KLF12: variants seen among roughly 807,000 people sequenced by gnomAD.
KLF12 encodes the protein Krueppel-like factor 12.
KLF12 carries 9 observed loss-of-function variants against 37.8 expected under a neutral mutation model. The ratio of observed to expected loss-of-function variants is 0.24; its 90% CI spans 0.14 to 0.42. KLF12 has a LOEUF of 0.42. Among genes scored for constraint, KLF12 ranks in the 10% least tolerant of loss-of-function variants. The pLI is 1.00. For synonymous variants in KLF12, 208 were observed against 202.1 expected (o/e 1.03, Z -0.25); for missense variants, 411 against 516.0 (o/e 0.80, Z 1.97).
At chr13:73,882,598 C>T (rs1887031258) in intron 3 of KLF12, among the ~76,000 whole-genome samples, 1 of 152,130 alleles carries the variant, frequency 6.6e-6, no homozygotes, top group Non-Finnish European at 1.5e-5. Flanking sequence ...TTTTTATAGA[C>T]TTTGGATTTT....
intron 1 of KLF12, among the ~76,000 whole-genome samples, chr13:74,124,231 C>T (rs1176830782): frequency 6.6e-6 from 1 of 152,142 alleles, no homozygotes; most frequent in African/African-American, 2.4e-5. Context: ...TACTTGTATT[C>T]ATATCTAAAG....
intron 6 of KLF12, among the ~76,000 whole-genome samples, chr13:73,716,406 T>A (rs904850974): frequency 6.6e-6 from 1 of 152,244 alleles, no homozygotes; most frequent in African/African-American, 2.4e-5. Flanking sequence ...ATTTCTACTC[T>A]ACAAAATGTA....
At chr13:73,777,060 A>T (rs1880651694) in intron 5 of KLF12, among the ~76,000 whole-genome samples, 1 of 152,230 alleles carries the variant, frequency 6.6e-6, no homozygotes. Context: ...GGCAGCAGAC[A>T]ACTAAACAGT....
At chr13:74,241,978 C>A in the KLF12 span, among the ~76,000 whole-genome samples, 1 of 152,204 alleles carries the variant, frequency 6.6e-6, no homozygotes, top group Admixed American at 6.5e-5. Flanking sequence ...CCCCAGGTAC[C>A]GAATTTTTAA....
intron 7 of KLF12, among the ~76,000 whole-genome samples, chr13:73,704,141 A>AT (rs1299777188): frequency 6.6e-6 from 1 of 151,950 alleles, no homozygotes; most frequent in Non-Finnish European, 1.5e-5. Context: ...GTTTCCAAAG[A>AT]TTTTGACTTA....
At chr13:73,765,128 C>A (rs1879826438) in intron 5 of KLF12, 128 bp from the exon 6 acceptor site, 1 of 589,410 alleles carries the variant, frequency 1.7e-6, no homozygotes, top group Non-Finnish European at 3.0e-6. Flanking sequence ...GAACTTGAAC[C>A]CCTCTTAGTA....
intron 2 of KLF12, among the ~76,000 whole-genome samples, chr13:73,958,944 C>T (rs1566482605): frequency 6.6e-6 from 1 of 150,960 alleles, no homozygotes; most frequent in Admixed American, 6.6e-5. Flanking sequence ...GCTAGGCAGA[C>T]TTCAGCAACT....
the KLF12 span, among the ~76,000 whole-genome samples, chr13:74,278,012 G>A: frequency 3.3e-4 from 50 of 152,298 alleles, 1 homozygote; most frequent in Admixed American, 3.1e-3. Context: ...GGGGCAAGCT[G>A]TATCTTACAT....
At chr13:73,930,328 G>A (rs1889607449) in intron 3 of KLF12, among the ~76,000 whole-genome samples, 1 of 152,114 alleles carries the variant, frequency 6.6e-6, no homozygotes. Context: ...CACATCATAT[G>A]TCATACATTA....
chr13:73,702,191 C>T (rs1874608750), intron 7 of KLF12, among the ~76,000 whole-genome samples: 1 of 152,076 alleles, frequency 6.6e-6, no homozygotes, highest in Non-Finnish European at 1.5e-5. Context: ...AAACTCACAT[C>T]AGGGTTTTGT....
At chr13:73,722,130 A>T (rs7993269) in intron 6 of KLF12, among the ~76,000 whole-genome samples, 96,709 of 151,934 alleles carry the variant, frequency 0.64, 31,271 homozygotes, top group East Asian at 0.73. Context: ...GACATTGAAC[A>T]TCACCTACAG....
intron 1 of KLF12, among the ~76,000 whole-genome samples, chr13:74,061,381 A>C (rs1230275693): frequency 2.0e-5 from 3 of 152,324 alleles, no homozygotes; most frequent in Admixed American, 2.0e-4. Flanking sequence ...AGAAACTTCT[A>C]AGTTCCAAAG....
chr13:74,232,490 T>C, the KLF12 span, among the ~76,000 whole-genome samples: 2 of 152,184 alleles, frequency 1.3e-5, no homozygotes, highest in East Asian at 1.9e-4. Flanking sequence ...AACTGTCTTG[T>C]TCTTGTCATA....
the KLF12 span, among the ~76,000 whole-genome samples, chr13:74,275,868 ATCTT>A: frequency 9.2e-4 from 62 of 67,510 alleles, no homozygotes; most frequent in African/African-American, 3.4e-3. Flanking sequence ...CTTTCTTTCT[ATCTT>A]TCTTTCTTCT....
At chr13:73,958,068 C>A (rs1890900189) in intron 2 of KLF12, among the ~76,000 whole-genome samples, 1 of 152,078 alleles carries the variant, frequency 6.6e-6, no homozygotes, top group Non-Finnish European at 1.5e-5. Context: ...GTCTGGGTAG[C>A]CACTTGTTGC....
At chr13:73,767,625 TA>T (rs1177337263) in intron 5 of KLF12, among the ~76,000 whole-genome samples, 1 of 152,204 alleles carries the variant, frequency 6.6e-6, no homozygotes, top group Non-Finnish European at 1.5e-5. Context: ...GCTATACCAT[TA>T]GGGCCATGTG....
chr13:74,305,569 A>G, the KLF12 span, among the ~76,000 whole-genome samples: 1 of 152,088 alleles, frequency 6.6e-6, no homozygotes, highest in Non-Finnish European at 1.5e-5. Flanking sequence ...TTTATAAAAA[A>G]CATTGAAACT....
chr13:74,024,776 A>T (rs886586260), intron 1 of KLF12, among the ~76,000 whole-genome samples: 1 of 152,162 alleles, frequency 6.6e-6, no homozygotes, highest in Admixed American at 6.5e-5. Context: ...GAGGGGGAAA[A>T]AGTCTCTCTA....
Position 73,715,491 on chromosome 13 carries a change from G to A in KLF12, c.904C>T (p.Arg302Cys). 4.3e-6 allele frequency: 7 copies of A among 1,614,052 alleles called. No individual in the cohort carries two copies. The highest frequency in any genetic ancestry group is 2.2e-5 in the East Asian group (1 of 44,870). ...TCTGGGGATTCAGACCGTCTCTGGC[G>A]TCTTGTGCTCTCAATACTAAATGGT... is the stretch of plus-strand genomic sequence containing the variant. Residue 302 changes from arginine (R) to cysteine (C), a missense_variant, in exon 7 of 8, where the codon CGC (arginine) becomes TGC (cysteine). Transcript: ENST00000377669.
Sources: gnomAD v4.1 joint callset for allele counts (sites outside exome capture counted in the v4.1 genomes callset) on GRCh38, gnomAD v4.1.1 for gene constraint, MANE v1.5 for transcripts, NCBI Gene and HGNC (gene_info 2026-07-23, HGNC 2026-07-21) for gene names.